KCNAB1: variants seen among roughly 807,000 people sequenced by gnomAD.
The protein encoded by KCNAB1 is potassium voltage-gated channel subfamily A regulatory beta subunit 1, also known as voltage-gated potassium channel subunit beta-1.
KCNAB1 carries 35 observed loss-of-function variants against 64.6 expected under a neutral mutation model. The observed-to-expected ratio is 0.54, with a 90% confidence interval of 0.41 to 0.72. KCNAB1 has a LOEUF of 0.72. KCNAB1 is among the 30% of genes least tolerant of loss of function. The probability of loss-of-function intolerance (pLI) is 0.00; values close to 1 mark genes in which losing one functional copy is unlikely to be tolerated. For missense variants in KCNAB1, 401 were observed against 512.9 expected (o/e 0.78, Z 2.11); for synonymous variants, 177 against 183.8 (o/e 0.96, Z 0.30).
At chr3:156,272,138 G>A (rs1477768479) in intron 1 of KCNAB1, among the ~76,000 whole-genome samples, 1 of 152,260 alleles carries the variant, frequency 6.6e-6, no homozygotes, top group Non-Finnish European at 1.5e-5. Context: ...CACTGGGATT[G>A]TACTCGGTCT....
At chr3:156,342,379 G>A (rs571581119) in intron 1 of KCNAB1, among the ~76,000 whole-genome samples, 2 of 152,252 alleles carry the variant, frequency 1.3e-5, no homozygotes, top group South Asian at 4.1e-4. Context: ...TTCACGTGGG[G>A]TCTCCTTATG....
chr3:156,395,331 G>C (rs1713349504), intron 1 of KCNAB1, among the ~76,000 whole-genome samples: 1 of 149,354 alleles, frequency 6.7e-6, no homozygotes, highest in African/African-American at 2.6e-5. Context: ...GGATCACGAG[G>C]TCAGGAGATC....
At chr3:156,327,143 G>A (rs987385486) in intron 1 of KCNAB1, among the ~76,000 whole-genome samples, 3 of 152,168 alleles carry the variant, frequency 2.0e-5, no homozygotes, top group African/African-American at 7.2e-5. Context: ...CTCTATGGTT[G>A]TGATTCAGCC....
At chr3:156,472,907 G>T (rs1192794629) in intron 7 of KCNAB1, among the ~76,000 whole-genome samples, 1 of 152,172 alleles carries the variant, frequency 6.6e-6, no homozygotes, top group African/African-American at 2.4e-5. Context: ...ACCTGTCTGT[G>T]ACATGCCTGA....
intron 1 of KCNAB1, among the ~76,000 whole-genome samples, chr3:156,354,407 T>G (rs1289715228): frequency 6.6e-6 from 1 of 151,750 alleles, no homozygotes; most frequent in Non-Finnish European, 1.5e-5. Context: ...GTGATCTGCC[T>G]GCCTCGGCCT....
At chr3:156,177,094 C>T (rs1203280902) in intron 1 of KCNAB1, among the ~76,000 whole-genome samples, 1 of 152,150 alleles carries the variant, frequency 6.6e-6, no homozygotes, top group Non-Finnish European at 1.5e-5. Flanking sequence ...ATGATGATGT[C>T]AACTTTATTG....
intron 1 of KCNAB1, among the ~76,000 whole-genome samples, chr3:156,171,890 A>G (rs1298559448): frequency 6.6e-6 from 1 of 152,218 alleles, no homozygotes; most frequent in Non-Finnish European, 1.5e-5. Context: ...CTTCTCTAGT[A>G]TCTTTGTAAT....
intron 8 of KCNAB1, among the ~76,000 whole-genome samples, chr3:156,479,570 C>T (rs777712266): frequency 1.3e-5 from 2 of 152,044 alleles, no homozygotes; most frequent in Non-Finnish European, 2.9e-5. Flanking sequence ...TAGACAACAG[C>T]AAGAAGAGGG....
intron 1 of KCNAB1, among the ~76,000 whole-genome samples, chr3:156,183,102 G>T (rs563532139): frequency 6.6e-6 from 1 of 152,104 alleles, no homozygotes; most frequent in African/African-American, 2.4e-5. Context: ...AATGTTGGAC[G>T]TCATGGAGAG....
At chr3:156,244,624 G>T (rs1717349612) in intron 1 of KCNAB1, among the ~76,000 whole-genome samples, 1 of 152,156 alleles carries the variant, frequency 6.6e-6, no homozygotes, top group East Asian at 1.9e-4. Context: ...AATTCCTAGA[G>T]TAAGCCGCTT....
chr3:156,438,239 C>T (rs1716725190), intron 2 of KCNAB1, among the ~76,000 whole-genome samples: 1 of 152,182 alleles, frequency 6.6e-6, no homozygotes, highest in Non-Finnish European at 1.5e-5. Flanking sequence ...GCTTTGAGTA[C>T]CTGGGAACAT....
chr3:156,199,635 C>T (rs774413366), intron 1 of KCNAB1, among the ~76,000 whole-genome samples: 19 of 152,104 alleles, frequency 1.2e-4, no homozygotes, highest in Non-Finnish European at 1.9e-4. Flanking sequence ...GTATGCTTCA[C>T]GAAGTTCTTG....
chr3:156,126,526 G>T (rs1464255190), intron 1 of KCNAB1, among the ~76,000 whole-genome samples: 3 of 152,202 alleles, frequency 2.0e-5, no homozygotes, highest in Non-Finnish European at 4.4e-5. Context: ...AGCCTCTTGG[G>T]TATCAAATGC....
At chr3:156,367,967 G>T (rs1011269343) in intron 1 of KCNAB1, among the ~76,000 whole-genome samples, 4 of 152,044 alleles carry the variant, frequency 2.6e-5, no homozygotes, top group Admixed American at 6.6e-5. Context: ...CTGCTTTCAG[G>T]GTTTTGTTTG....
At chr3:156,460,112 T>C (rs1039978418) in intron 5 of KCNAB1, 2 of 433,246 alleles carry the variant, frequency 4.6e-6, no homozygotes, top group Non-Finnish European at 8.1e-6. Flanking sequence ...AAGGGGGGGA[T>C]GTTCATGAAA....
chr3:156,484,344 C>G (rs1349038869), intron 8 of KCNAB1, among the ~76,000 whole-genome samples: 1 of 151,928 alleles, frequency 6.6e-6, no homozygotes, highest in African/African-American at 2.4e-5. Flanking sequence ...TTCTTTTTCC[C>G]TTAAGTTGTT....
chr3:156,280,698 G>C (rs2108503289), intron 1 of KCNAB1, among the ~76,000 whole-genome samples: 1 of 150,924 alleles, frequency 6.6e-6, no homozygotes, highest in East Asian at 2.0e-4. Context: ...CTTGTAAGTT[G>C]GATTCCTAGG....
chr3:156,479,345 A>G (rs895735425), intron 8 of KCNAB1, among the ~76,000 whole-genome samples: 4 of 152,148 alleles, frequency 2.6e-5, no homozygotes, highest in Non-Finnish European at 5.9e-5. Flanking sequence ...AGTTCAGGCA[A>G]TAGAGTCAGT....
chr3:156,253,897 C>T (rs1717963738), intron 1 of KCNAB1, among the ~76,000 whole-genome samples: 1 of 152,188 alleles, frequency 6.6e-6, no homozygotes, highest in Non-Finnish European at 1.5e-5. Flanking sequence ...AACATGGAGG[C>T]CATGCCCCCA....
Sources: gnomAD v4.1 joint callset for allele counts (sites outside exome capture counted in the v4.1 genomes callset) on GRCh38, gnomAD v4.1.1 for gene constraint, MANE v1.5 for transcripts, NCBI Gene and HGNC (gene_info 2026-07-23, HGNC 2026-07-21) for gene names.